DICER1: variants seen among roughly 807,000 people sequenced by gnomAD.
The protein encoded by DICER1 is endoribonuclease Dicer.
DICER1 carries 43 observed loss-of-function variants against 194.1 expected under a neutral mutation model. The ratio of observed to expected loss-of-function variants is 0.22; its 90% CI spans 0.17 to 0.29. The LOEUF is 0.29. DICER1 is among the 10% of genes least tolerant of loss of function. The pLI, the probability that DICER1 is intolerant of heterozygous loss-of-function variation, is 1.00. For synonymous variants in DICER1, 832 were observed against 820.5 expected (o/e 1.01, Z -0.24); for missense variants, 1,608 against 2,317.0 (o/e 0.69, Z 6.28).
rs57932364 is a variant in DICER1 at position 95,108,206 on chromosome 14, T to A, written c.2437-113A>T. 7,766 of 1,302,810 alleles carry A rather than the reference T, an allele frequency of 6.0e-3. 338 individuals are homozygous for A. The African/African-American group carries it at 0.095, about 16-fold the overall frequency. 80.7% of individuals were successfully genotyped at this position (1,302,810 alleles called of 1,614,324 possible). On this transcript the variant is annotated intron_variant, in intron 15 of 26. Transcript: ENST00000343455. Reference sequence around the variant, plus strand: ...CTAGTGGAGAAATAGAAGAGGCACCTCGATCTTTAAATATTAAACATACTG... The same window carrying A: ...CTAGTGGAGAAATAGAAGAGGCACCACGATCTTTAAATATTAAACATACTG...
chr14:95,127,721 A>C (rs564995039), intron 6 of DICER1, among the ~76,000 whole-genome samples: 30 of 152,246 alleles, frequency 2.0e-4, no homozygotes, highest in Non-Finnish European at 3.7e-4. Flanking sequence ...AGGGTTGCTC[A>C]ATCTGTACTA....
At chr14:95,102,585 T>A (rs1274825467) in intron 21 of DICER1, among the ~76,000 whole-genome samples, 2 of 152,328 alleles carry the variant, frequency 1.3e-5, no homozygotes, top group Admixed American at 1.3e-4. Context: ...ATTAATGCCA[T>A]CCTTGATTCA....
At chr14:95,107,337 G>A (rs556623972) in intron 17 of DICER1, among the ~76,000 whole-genome samples, 137 of 150,546 alleles carry the variant, frequency 9.1e-4, no homozygotes, top group Non-Finnish European at 1.1e-3. Flanking sequence ...TGCAATCTCC[G>A]CCTCCTAGCT....
In DICER1 at chr14:95,113,032, GA is replaced by G. The variant is rs141723381; in HGVS notation, c.2040+59del. On this transcript the variant is annotated intron_variant, in intron 12 of 26. Coordinates refer to ENST00000343455, the MANE Select transcript of DICER1 (RefSeq NM_177438.3). ...ATAACTTGCAAGTCTTAGAAAAGCTGAAAAAATCCACTAATGACACATTTTA... is the reference window on the plus strand; with the variant it reads ...ATAACTTGCAAGTCTTAGAAAAGCTGAAAAATCCACTAATGACACATTTTA... The G allele has an allele frequency of 3.0e-5, 47 of 1,570,138 alleles. No homozygotes were observed. In the Middle Eastern group the frequency reaches 8.4e-4, roughly 28 times the overall value.
intron 1 of DICER1, among the ~76,000 whole-genome samples, chr14:95,146,111 G>A (rs960687616): frequency 6.6e-6 from 1 of 152,214 alleles, no homozygotes; most frequent in Non-Finnish European, 1.5e-5. Flanking sequence ...GCAGACAAAT[G>A]CCTAGGCAGA....
chr14:95,126,152 AATGGAAGGATC>A (rs1374257881), intron 7 of DICER1, among the ~76,000 whole-genome samples: 1 of 152,238 alleles, frequency 6.6e-6, no homozygotes, highest in Non-Finnish European at 1.5e-5. Context: ...TGGGGCCCAC[AATGGAAGGATC>A]ACTGTCCTAA....
chr14:95,103,767 G>C lies in DICER1; in HGVS notation c.3629C>G (p.Pro1210Arg), dbSNP rs1595365709. 1.2e-6 allele frequency: 2 copies of C among 1,613,992 alleles called. No homozygotes were observed. The highest frequency in any genetic ancestry group is 2.2e-5 in the South Asian group (2 of 91,066). ...NQLNYYKQEI[P>R]VQPTTSYSIQ... ...GGAATATGAGGTAGTTGGTTGCACG[G>C]GTATTTCCTGCTTGTAGTAATTTAG... Residue 1210 changes from proline to arginine, a missense_variant, in exon 21 of 27, where the codon CCC (proline) becomes CGC (arginine). By Grantham distance (103) the Pro-to-Arg change is moderately radical. Transcript: ENST00000343455.
chr14:95,126,393 T>C (rs1217162986), intron 7 of DICER1, among the ~76,000 whole-genome samples, 187 bp downstream of exon 7: 1 of 152,218 alleles, frequency 6.6e-6, no homozygotes, highest in Non-Finnish European at 1.5e-5. Flanking sequence ...ACACTTAATA[T>C]AAATGTGCAC....
At chr14:95,099,635 A>G (rs1287418850) in intron 22 of DICER1, 145 bp downstream of exon 22, 1 of 1,041,534 alleles carries the variant, frequency 9.6e-7, no homozygotes, top group South Asian at 2.5e-5. Context: ...AATTAAATAT[A>G]TCAAATATCT....
Position 95,096,494 on chromosome 14 carries a change from C to A in DICER1, c.4426G>T (p.Asp1476Tyr), listed in dbSNP as rs759857552. ...KISLSPFSTT[D>Y]SAYEWKMPKK... ...GGCATTTTCCATTCATATGCAGAAT[C>A]AGTGGTTGAAAAAGGAGAAAGAGAG... The change falls in exon 23 of 27, where the codon GAT (aspartate) becomes TAT (tyrosine). Residue 1476 changes from aspartate to tyrosine, a missense_variant. By Grantham distance (160) the Asp-to-Tyr change is radical. Transcript: ENST00000343455. 2.5e-6 allele frequency: 4 copies of A among 1,614,020 alleles called. No individual in the cohort carries two copies. In the East Asian group the frequency reaches 6.7e-5, roughly 27 times the overall value.
At chr14:95,136,137 A>C (rs1894355349) in intron 1 of DICER1, among the ~76,000 whole-genome samples, 1 of 150,342 alleles carries the variant, frequency 6.7e-6, no homozygotes, top group Non-Finnish European at 1.5e-5. Context: ...CTGATAAAGC[A>C]AGTGGGGCAA....
chr14:95,122,349 T>A (rs1352435119), intron 8 of DICER1, among the ~76,000 whole-genome samples: 1 of 152,156 alleles, frequency 6.6e-6, no homozygotes, highest in Non-Finnish European at 1.5e-5. Context: ...ATTTATTTAA[T>A]CCTTATATAA....
chr14:95,110,811 C>A (rs1165472168), intron 14 of DICER1, among the ~76,000 whole-genome samples: 3 of 152,166 alleles, frequency 2.0e-5, no homozygotes. Flanking sequence ...TGGAAACACT[C>A]CATGGAAATA....
intron 6 of DICER1, 31 bp downstream of exon 6, chr14:95,129,441 C>G: frequency 6.2e-7 from 1 of 1,606,874 alleles, no homozygotes; most frequent in Non-Finnish European, 8.5e-7. Flanking sequence ...CAACTAATCT[C>G]ATTAAAGCTG....
Position 95,105,247 on chromosome 14 carries a change from C to A in DICER1, c.3094-1G>T. On this transcript the variant is annotated splice_acceptor_variant, in intron 19 of 26. Coordinates refer to ENST00000343455, the MANE Select transcript of DICER1 (RefSeq NM_177438.3). LOFTEE classifies it high-confidence loss of function. The surrounding 1 kb of genome is among the most constrained non-coding windows in gnomAD (Gnocchi z 4.9). ...TAGCACAGAGTTCTGGAACCAGTAT[C>A]TTCAAGTAAGGGGAAAAATGGACAG... 6.2e-7 allele frequency: 1 copy of A among 1,612,836 alleles called. No individual in the cohort carries two copies. Among genetic ancestry groups the A allele is most frequent in the South Asian group, 1.1e-5 (1 of 91,050 alleles).
rs1889586104 is a variant in DICER1 at position 95,089,271 on chromosome 14, A to G, written c.*1227T>C. 4.3e-6 allele frequency: 1 copy of G among 232,936 alleles called. No individual in the cohort carries two copies. The highest frequency in any genetic ancestry group is 1.8e-4 in the South Asian group (1 of 5,532). The allele number at this position is 232,936 out of a possible 1,614,324, so 14.4% of individuals were successfully genotyped here. On this transcript the variant is annotated 3_prime_UTR_variant, in exon 27 of 27. Coordinates refer to ENST00000343455, the MANE Select transcript of DICER1 (RefSeq NM_177438.3). ...TATCTAAATTAATGACCTAAATCAC[A>G]GATGTATCAAAATTACGGCAGTTTA...
Position 95,093,966 on chromosome 14 carries a change from A to T in DICER1, c.5286T>A (p.Ser1762=). The change falls in exon 24 of 27, where the codon TCT becomes TCA. Residue 1762 remains serine, a synonymous_variant. Coordinates refer to ENST00000343455, the MANE Select transcript of DICER1 (RefSeq NM_177438.3). ...YDYHKYFKAV[S]PELFHVIDDF... Reference sequence around the variant, plus strand: ...CATCAATGACATGGAAGAGCTCAGGAGAGACAGCTTTGAAGTACTTGTGGT... The same window carrying T: ...CATCAATGACATGGAAGAGCTCAGGTGAGACAGCTTTGAAGTACTTGTGGT... 1 of 1,614,170 alleles carries T rather than the reference A, an allele frequency of 6.2e-7. No individual in the cohort carries two copies. The highest frequency in any genetic ancestry group is 8.5e-7 in the Non-Finnish European group (1 of 1,180,008).
chr14:95,132,649 T>A lies in DICER1; in HGVS notation c.173A>T (p.His58Leu). ...AGTGTTTAAACAGACGATGGTATTA[T>A]GATCCAGAGCTGCTTCAAGCAGTTC... ...QVELLEAALD[H>L]NTIVCLNTGS... Residue 58 changes from histidine (H) to leucine (L), a missense_variant, in exon 3 of 27, where the codon CAT becomes CTT. By Grantham distance (99) the His-to-Leu change is moderately conservative. Around this residue, in one of 10 missense-constraint regions of DICER1, gnomAD observed 657 missense variants for 910.1 expected, o/e 0.72. Coordinates refer to ENST00000343455, the MANE Select transcript of DICER1 (RefSeq NM_177438.3). 1 of 1,614,056 alleles carries A rather than the reference T, an allele frequency of 6.2e-7. No individual in the cohort carries two copies. The highest frequency in any genetic ancestry group is 2.2e-5 in the East Asian group (1 of 44,834).
rs1294267534 is a variant in DICER1 at position 95,105,380 on chromosome 14, A to T, written c.3094-134T>A. 1.1e-5 allele frequency: 10 copies of T among 897,556 alleles called. No homozygotes were observed. In the Middle Eastern group the frequency reaches 1.2e-3, roughly 107 times the overall value. 55.6% of individuals were successfully genotyped at this position (897,556 alleles called of 1,614,324 possible). On this transcript the variant is annotated intron_variant, in intron 19 of 26. Transcript: ENST00000343455. The surrounding 1 kb of genome is among the most constrained non-coding windows in gnomAD (Gnocchi z 4.9). ...ACTTAATTTTAAAAAATATTTGTAA[A>T]AATAATCCTCTAAGGCCAAATGGGA... is the stretch of plus-strand genomic sequence containing the variant.
Sources: allele counts gnomAD v4.1 joint callset (sites outside exome capture counted in the v4.1 genomes callset), GRCh38; gene constraint gnomAD v4.1.1; regional missense constraint gnomAD v4.1.1; non-coding constraint Gnocchi (gnomAD v3.1); transcripts MANE v1.5; gene names NCBI Gene and HGNC (gene_info 2026-07-23, HGNC 2026-07-21).